The following TBXAS1 variants were observed in gnomAD, a reference collection of about 807,000 sequenced individuals.
The protein encoded by TBXAS1 is thromboxane A synthase 1.
TBXAS1 carries 48 observed loss-of-function variants against 60.7 expected under a neutral mutation model. That is an observed-to-expected ratio of 0.79 (90% CI 0.63 to 1.01). TBXAS1 has a LOEUF of 1.01. TBXAS1 is among the 50% of genes least tolerant of loss of function. TBXAS1 has a pLI of 0.00. For synonymous variants in TBXAS1, 287 were observed against 269.7 expected, an observed-to-expected ratio of 1.06 and a Z score of -0.63; for missense variants, 685 against 686.3, an observed-to-expected ratio of 1.00 and a Z score of 0.02.
intron 9 of TBXAS1, among the ~76,000 whole-genome samples, chr7:139,987,733 T>C (rs572135652): frequency 1.3e-5 from 2 of 152,344 alleles, no homozygotes; most frequent in East Asian, 3.9e-4. Context: ...TTCGCAGGGA[T>C]ATGAAGAGCT....
intron 9 of TBXAS1, among the ~76,000 whole-genome samples, chr7:139,989,894 G>A (rs1812765378): frequency 6.6e-6 from 1 of 152,174 alleles, no homozygotes; most frequent in African/African-American, 2.4e-5. Flanking sequence ...ACAATTATTT[G>A]TGTCCTGCCC....
intron 5 of TBXAS1, among the ~76,000 whole-genome samples, chr7:139,945,416 G>A (rs956824715): frequency 6.6e-6 from 1 of 152,206 alleles, no homozygotes; most frequent in Non-Finnish European, 1.5e-5. Flanking sequence ...CTTCTTCAGA[G>A]CCAGTTTTCA....
chr7:139,957,642 C>G lies in TBXAS1; in HGVS notation c.697C>G (p.Pro233Ala). Residue 233 changes from proline (P) to alanine (A), a missense_variant, in exon 8 of 13, where the codon CCA (proline) becomes GCA (alanine). Physicochemically the swap from Pro to Ala is conservative, Grantham distance 27. Coordinates refer to ENST00000448866, the MANE Select transcript of TBXAS1 (RefSeq NM_001061.7). Reference sequence around the variant, plus strand: ...TGTTTTTCTCTTTCAAGTATCATTTCCATCCATAATGGTCCCACTGGCCCG... The same window carrying G: ...TGTTTTTCTCTTTCAAGTATCATTTGCATCCATAATGGTCCCACTGGCCCG... The part of the protein sequence containing the change: ...RPILVLLLSF[P>A]SIMVPLARIL... The G allele has an allele frequency of 6.2e-7, 1 of 1,614,128 alleles. No individual in the cohort carries two copies. Among genetic ancestry groups the G allele is most frequent in the Non-Finnish European group, 8.5e-7 (1 of 1,180,020 alleles).
rs137987185 is a variant in TBXAS1 at position 139,954,093 on chromosome 7, G to A, written c.539+637G>A. Among the ~76,000 whole-genome samples, 350 of 151,886 alleles carry A rather than the reference G, an allele frequency of 2.3e-3. 3 individuals are homozygous for A. Among genetic ancestry groups the A allele is most frequent in the African/African-American group, 8.1e-3 (334 of 41,388 alleles). On this transcript the variant is annotated intron_variant, in intron 6 of 12. Transcript: ENST00000448866. The stretch of plus-strand genomic sequence containing the variant: ...CCAAGACAATTCTCCTGCTTCCAAC[G>A]TGGCCCAGGCAAGCCAAAAGATTTA...
intron 3 of TBXAS1, among the ~76,000 whole-genome samples, chr7:139,881,458 C>CCG (rs1474708249): frequency 9.3e-5 from 14 of 150,774 alleles, no homozygotes; most frequent in African/African-American, 3.4e-4. Context: ...CCCTTTTTCC[C>CCG]CCCCTCCAGG....
At chr7:139,829,628 C>T in intron 1 of TBXAS1, 149 bp downstream of exon 1, 2 of 765,468 alleles carry the variant, frequency 2.6e-6, no homozygotes, top group Non-Finnish European at 4.4e-6. Context: ...GAATTAAAAG[C>T]AAACAGCCAG....
intron 3 of TBXAS1, among the ~76,000 whole-genome samples, chr7:139,880,869 G>T (rs1008115304): frequency 6.6e-6 from 1 of 151,998 alleles, no homozygotes; most frequent in South Asian, 2.1e-4. Context: ...TTTTAATTTC[G>T]ATAAATATGA....
intron 4 of TBXAS1, among the ~76,000 whole-genome samples, chr7:139,817,530 T>G (rs1394530370): frequency 1.3e-5 from 2 of 152,076 alleles, no homozygotes; most frequent in Non-Finnish European, 2.9e-5. Flanking sequence ...GATAAGCAAG[T>G]AAAATTAGAG....
intron 1 of TBXAS1, among the ~76,000 whole-genome samples, chr7:139,855,767 C>G (rs1800541527): frequency 6.6e-6 from 1 of 152,172 alleles, no homozygotes; most frequent in African/African-American, 2.4e-5. Context: ...CAGACTGCCC[C>G]TGTGGTCAAC....
chr7:139,892,525 G>C lies in TBXAS1; in HGVS notation c.236+16888G>C, dbSNP rs138145899. Among the ~76,000 whole-genome samples the C allele has an allele frequency of 8.5e-5, 13 of 152,202 alleles. No individual in the cohort carries two copies. The South Asian group carries it at 2.1e-3, about 24-fold the overall frequency. On this transcript the variant is annotated intron_variant, in intron 3 of 12. Coordinates refer to ENST00000448866, the MANE Select transcript of TBXAS1 (RefSeq NM_001061.7). ...GGAGAATAGCTTGAACCTGGGAGGC[G>C]GAGGTTGCAGTGAGCTGAGATCATG...
At chr7:139,877,498 C>CCAGTCTA (rs1391313633) in intron 3 of TBXAS1, among the ~76,000 whole-genome samples, 1 of 151,442 alleles carries the variant, frequency 6.6e-6, no homozygotes. Flanking sequence ...TCTCAGCTCA[C>CCAGTCTA]TGCAACCTCT....
At chr7:139,907,665 G>A (rs574546221) in intron 3 of TBXAS1, among the ~76,000 whole-genome samples, 4 of 152,158 alleles carry the variant, frequency 2.6e-5, no homozygotes, top group African/African-American at 9.6e-5. Flanking sequence ...AGTACATTGA[G>A]TACCACATCA....
chr7:139,848,321 T>C (rs1327576588), intron 1 of TBXAS1, among the ~76,000 whole-genome samples: 2 of 152,104 alleles, frequency 1.3e-5, no homozygotes, highest in Non-Finnish European at 2.9e-5. Context: ...TTTGGGTATA[T>C]GTCAAAGCTG....
Position 139,792,551 on chromosome 7 carries a change from G to T in TBXAS1, c.-80+5125G>T, listed in dbSNP as rs1797420304. Among the ~76,000 whole-genome samples, 4 of 152,332 alleles carry T rather than the reference G, an allele frequency of 2.6e-5. No homozygotes were observed. In the South Asian group the frequency reaches 8.3e-4, roughly 32 times the overall value. On this transcript the variant is annotated intron_variant, in intron 4 of 16. Coordinates refer to the TBXAS1 transcript ENST00000336425. Reference sequence around the variant, plus strand: ...ATTGACAATGAAAACAAAACAAACAGACATAGAACACAGTGATGGGAATAC... The same window carrying T: ...ATTGACAATGAAAACAAAACAAACATACATAGAACACAGTGATGGGAATAC...
intron 3 of TBXAS1, among the ~76,000 whole-genome samples, chr7:139,884,873 T>C (rs1280775380): frequency 1.3e-5 from 2 of 152,108 alleles, no homozygotes; most frequent in Non-Finnish European, 2.9e-5. Context: ...GACATTCAGT[T>C]CTAAGATTCA....
chr7:139,954,196 C>T (rs1230919037), intron 6 of TBXAS1, among the ~76,000 whole-genome samples: 1 of 152,160 alleles, frequency 6.6e-6, no homozygotes. Context: ...GTGAATCATC[C>T]AGAAATTTAT....
At chr7:139,782,199 A>T (rs1797023850) in intron 2 of TBXAS1, among the ~76,000 whole-genome samples, 1 of 142,438 alleles carries the variant, frequency 7.0e-6, no homozygotes, top group South Asian at 2.1e-4. Context: ...CATTTAAAAA[A>T]ATCACTTTTT....
In TBXAS1 at chr7:139,999,567, T is replaced by C. The variant is rs1813524682; in HGVS notation, c.1135-7524T>C. Among the ~76,000 whole-genome samples, 1 of 152,224 alleles carries C rather than the reference T, an allele frequency of 6.6e-6. No homozygotes were observed. Among genetic ancestry groups the C allele is most frequent in the African/African-American group, 2.4e-5 (1 of 41,446 alleles). ...GGTGAGGGGCTTTGCCTCTGGTTTATGGTCAGAAGGGCAAAGCGAAGGTCA... is the reference window on the plus strand; with the variant it reads ...GGTGAGGGGCTTTGCCTCTGGTTTACGGTCAGAAGGGCAAAGCGAAGGTCA... On this transcript the variant is annotated intron_variant, in intron 9 of 12. Transcript: ENST00000448866. This position sits in a 1 kb window ranked among gnomAD's most constrained non-coding sequence, Gnocchi z 4.3.
chr7:139,997,720 T>G (rs1585031698), intron 9 of TBXAS1, among the ~76,000 whole-genome samples: 1 of 152,084 alleles, frequency 6.6e-6, no homozygotes, highest in African/African-American at 2.4e-5. Flanking sequence ...GCAGTTAGAG[T>G]AAATAGAAGA....
Sources: allele counts gnomAD v4.1 joint callset (sites outside exome capture counted in the v4.1 genomes callset), GRCh38; gene constraint gnomAD v4.1.1; non-coding constraint Gnocchi (gnomAD v3.1); transcripts MANE v1.5; gene names NCBI Gene and HGNC (gene_info 2026-07-23, HGNC 2026-07-21).